The following SGCZ variants were observed in gnomAD, a reference collection of about 807,000 sequenced individuals.
SGCZ encodes zeta-sarcoglycan.
SGCZ carries 40 observed loss-of-function variants against 41.3 expected under a neutral mutation model. That is an observed-to-expected ratio of 0.97 (90% CI 0.75 to 1.26). The LOEUF is 1.26. Among genes scored for constraint, SGCZ ranks in the 50% most tolerant of loss-of-function variants. The pLI is 0.00. For missense variants in SGCZ, 552 were observed against 369.8 expected (o/e 1.49, Z -4.04); for synonymous variants, 206 against 137.5 (o/e 1.50, Z -3.49).
chr8:14,359,854 G>GA (rs1013691167), intron 2 of SGCZ, among the ~76,000 whole-genome samples: 3 of 150,414 alleles, frequency 2.0e-5, no homozygotes, highest in Non-Finnish European at 4.4e-5. Context: ...GAATACTGAT[G>GA]AAAAAACATC....
intron 1 of SGCZ, among the ~76,000 whole-genome samples, chr8:14,674,611 T>A (rs1371878474): frequency 6.6e-6 from 1 of 152,192 alleles, no homozygotes; most frequent in East Asian, 1.9e-4. Flanking sequence ...CCAAATTTCA[T>A]GTTTAATTGT....
intron 1 of SGCZ, among the ~76,000 whole-genome samples, chr8:14,666,996 G>C (rs112757124): frequency 6.6e-6 from 1 of 151,956 alleles, no homozygotes; most frequent in Non-Finnish European, 1.5e-5. Flanking sequence ...AATCGCTAAT[G>C]AGCATAGCAA....
At chr8:14,634,876 T>C (rs749207229) in intron 1 of SGCZ, among the ~76,000 whole-genome samples, 1 of 151,908 alleles carries the variant, frequency 6.6e-6, no homozygotes, top group Non-Finnish European at 1.5e-5. Flanking sequence ...GAGTTATGTA[T>C]AGAGACCATC....
intron 1 of SGCZ, among the ~76,000 whole-genome samples, chr8:15,179,922 G>C (rs1800116792): frequency 6.6e-6 from 1 of 152,140 alleles, no homozygotes; most frequent in Admixed American, 6.5e-5. Context: ...CTTTGTGTAG[G>C]ATTATGCCGG....
At chr8:14,245,580 C>T (rs945751429) in intron 3 of SGCZ, among the ~76,000 whole-genome samples, 1 of 152,146 alleles carries the variant, frequency 6.6e-6, no homozygotes, top group Middle Eastern at 3.4e-3. Context: ...GCAACAAAAG[C>T]CAAAATTGAC....
At chr8:14,502,888 G>A (rs555306824) in intron 2 of SGCZ, among the ~76,000 whole-genome samples, 2 of 152,194 alleles carry the variant, frequency 1.3e-5, no homozygotes, top group African/African-American at 2.4e-5. Context: ...ACAGTGTGGT[G>A]ATTCCTCAAG....
intron 1 of SGCZ, among the ~76,000 whole-genome samples, chr8:15,065,860 A>T (rs1000206154): frequency 6.6e-6 from 1 of 152,150 alleles, no homozygotes; most frequent in African/African-American, 2.4e-5. Flanking sequence ...CTTAATATGA[A>T]GTGCAGTAAT....
intron 1 of SGCZ, among the ~76,000 whole-genome samples, chr8:14,923,696 G>C (rs1355082119): frequency 6.6e-6 from 1 of 152,312 alleles, no homozygotes; most frequent in East Asian, 1.9e-4. Context: ...GAGAACAATT[G>C]TTGCTGTTTA....
At chr8:14,281,415 T>A (rs1191294039) in intron 3 of SGCZ, among the ~76,000 whole-genome samples, 2 of 151,886 alleles carry the variant, frequency 1.3e-5, no homozygotes, top group Admixed American at 1.3e-4. Context: ...TCATTCTAAT[T>A]TTAAGCAATA....
At chr8:14,819,262 A>G (rs1255170680) in intron 1 of SGCZ, among the ~76,000 whole-genome samples, 1 of 152,206 alleles carries the variant, frequency 6.6e-6, no homozygotes, top group Non-Finnish European at 1.5e-5. Context: ...CTAGGAAAGA[A>G]TGGAATGAAG....
chr8:14,401,336 T>G (rs941276292), intron 2 of SGCZ, among the ~76,000 whole-genome samples: 5 of 151,952 alleles, frequency 3.3e-5, no homozygotes, highest in African/African-American at 1.2e-4. Flanking sequence ...GTGCACATTG[T>G]GCAGGTTAGT....
At chr8:15,106,559 A>G (rs188719876) in intron 1 of SGCZ, among the ~76,000 whole-genome samples, 3,723 of 151,266 alleles carry the variant, frequency 0.025, 62 homozygotes, top group Middle Eastern at 0.038. Context: ...ACATCCTTTT[A>G]TTACATACAG....
At chr8:14,325,259 A>C (rs985537810) in intron 2 of SGCZ, among the ~76,000 whole-genome samples, 2 of 152,088 alleles carry the variant, frequency 1.3e-5, no homozygotes, top group East Asian at 1.9e-4. Context: ...AATATGGTGG[A>C]AGAAAAATTT....
At chr8:14,855,857 C>A (rs747736891) in intron 1 of SGCZ, among the ~76,000 whole-genome samples, 1 of 152,084 alleles carries the variant, frequency 6.6e-6, no homozygotes, top group Non-Finnish European at 1.5e-5. Flanking sequence ...AAGGCTTTCA[C>A]TTCTGATGAC....
At chr8:14,438,967 T>C (rs1162674182) in intron 2 of SGCZ, among the ~76,000 whole-genome samples, 1 of 152,036 alleles carries the variant, frequency 6.6e-6, no homozygotes, top group African/African-American at 2.4e-5. Flanking sequence ...AAAATAATTT[T>C]TGTAAATCTT....
At chr8:14,623,617 T>C (rs538995737) in intron 1 of SGCZ, among the ~76,000 whole-genome samples, 1 of 152,310 alleles carries the variant, frequency 6.6e-6, no homozygotes. Context: ...AGAGGTTACA[T>C]TTTCCAGGTT....
intron 1 of SGCZ, among the ~76,000 whole-genome samples, chr8:15,195,218 C>A (rs1800683918): frequency 6.6e-6 from 1 of 152,160 alleles, no homozygotes; most frequent in African/African-American, 2.4e-5. Context: ...GGGTACCCTG[C>A]AGTTTTCTTG....
intron 2 of SGCZ, among the ~76,000 whole-genome samples, chr8:14,375,668 A>T (rs111542400): frequency 0.07 from 10,663 of 152,220 alleles, 628 homozygotes; most frequent in African/African-American, 0.16. Context: ...AAAGTTACAC[A>T]ACTGTGGAAA....
At chr8:15,004,739 C>G (rs910261804) in intron 1 of SGCZ, among the ~76,000 whole-genome samples, 5 of 152,040 alleles carry the variant, frequency 3.3e-5, no homozygotes, top group African/African-American at 1.2e-4. Context: ...TTCCCGATAA[C>G]AAAAGTATGT....
Sources: gnomAD v4.1 joint callset for allele counts (sites outside exome capture counted in the v4.1 genomes callset) on GRCh38, gnomAD v4.1.1 for gene constraint, MANE v1.5 for transcripts, NCBI Gene and HGNC (gene_info 2026-07-23, HGNC 2026-07-21) for gene names.